Variants in KIRREL3 observed in about 807,000 individuals in gnomAD.
KIRREL3 encodes kirre like nephrin family adhesion molecule 3.
Under a neutral mutation model 89.7 loss-of-function variants are expected in KIRREL3, and 36 were observed. The observed-to-expected ratio is 0.40, with a 90% CI of 0.31 to 0.53. The LOEUF (loss-of-function observed/expected upper bound fraction) is 0.53, where lower values mean the gene tolerates loss of function less well. Ranked by LOEUF, KIRREL3 falls within the 20% of genes least tolerant of loss-of-function variation. The pLI is 0.49. For synonymous variants in KIRREL3, 445 were observed against 441.4 expected (o/e 1.01, Z -0.10); for missense variants, 864 against 1,056.6 (o/e 0.82, Z 2.53).
intron 1 of KIRREL3, among the ~76,000 whole-genome samples, chr11:126,681,595 G>A (rs1946455610): frequency 7.6e-6 from 1 of 131,478 alleles, no homozygotes; most frequent in Non-Finnish European, 1.6e-5. Flanking sequence ...TGTGCTCCTG[G>A]GAATGTATAT....
intron 1 of KIRREL3, among the ~76,000 whole-genome samples, chr11:126,598,893 G>A (rs539965557): frequency 9.2e-5 from 14 of 152,340 alleles, no homozygotes; most frequent in South Asian, 2.1e-4. Flanking sequence ...TTCCTAGAAT[G>A]TTCTCAACCC....
At position 126,689,412 on chromosome 11, in the gene KIRREL3, C is replaced by T. The variant is rs1364708909; in HGVS notation, c.56-126500G>A. 6.6e-6 allele frequency among the ~76,000 whole-genome samples: 1 copy of T among 152,212 alleles called. No homozygotes were observed. Among genetic ancestry groups the T allele is most frequent in the Non-Finnish European group, 1.5e-5 (1 of 68,044 alleles). On this transcript the variant is annotated intron_variant, in intron 1 of 16. Coordinates refer to ENST00000525144, the MANE Select transcript of KIRREL3 (RefSeq NM_032531.4). The surrounding 1 kb of genome is among the most constrained non-coding windows in gnomAD (Gnocchi z 5.2). ...TTGCATCTCATGATCTATCATTTAA[C>T]AGCCCTGTCCAAAGTGCTTGCTGGA...
rs531020760 is a variant in KIRREL3, at chr11:126,947,198, G to A, written c.55+53257C>T. Among the ~76,000 whole-genome samples, 51 of 152,254 alleles carry A rather than the reference G, an allele frequency of 3.3e-4. 1 individual carries two copies. The Middle Eastern group carries it at 0.014, about 41-fold the overall frequency. Reference sequence around the variant, plus strand: ...CAGTCCCCTTCACTATGAAATAGTCGTTTGTATTCTCCAGGCTTCACTAGT... The same window carrying A: ...CAGTCCCCTTCACTATGAAATAGTCATTTGTATTCTCCAGGCTTCACTAGT... On this transcript the variant is annotated intron_variant, in intron 1 of 16. Coordinates refer to ENST00000525144, the MANE Select transcript of KIRREL3 (RefSeq NM_032531.4).
At position 126,912,358 on chromosome 11, in the gene KIRREL3, C is replaced by A. The variant is rs529954533; in HGVS notation, c.55+88097G>T. ...CCCTCAGCTCCCTCTCCTGTCTTCA[C>A]CTCCCTGGGCCATGTCTCTCACCTT... On this transcript the variant is annotated intron_variant, in intron 1 of 16. Transcript: ENST00000525144. This position sits in a 1 kb window ranked among gnomAD's most constrained non-coding sequence, Gnocchi z 4.7. Among the ~76,000 whole-genome samples the A allele has an allele frequency of 6.6e-6, 1 of 152,276 alleles. No individual in the cohort carries two copies. Among genetic ancestry groups the A allele is most frequent in the East Asian group, 1.9e-4 (1 of 5,164 alleles).
intron 1 of KIRREL3, among the ~76,000 whole-genome samples, chr11:126,660,344 A>C (rs1397804858): frequency 6.6e-6 from 1 of 152,236 alleles, no homozygotes; most frequent in Admixed American, 6.5e-5. Flanking sequence ...TAATGCACAT[A>C]AGACACAGAC....
At chr11:126,613,974 G>A (rs554238886) in intron 1 of KIRREL3, among the ~76,000 whole-genome samples, 3 of 145,694 alleles carry the variant, frequency 2.1e-5, no homozygotes, top group Admixed American at 1.4e-4. Context: ...TGAATGCACA[G>A]GACCTTAATT....
chr11:126,923,238 T>C (rs1257328964), intron 1 of KIRREL3, among the ~76,000 whole-genome samples: 1 of 56,954 alleles, frequency 1.8e-5, no homozygotes, highest in Non-Finnish European at 3.7e-5. Flanking sequence ...CTTCTTCTTC[T>C]TCTTCTTCTT....
rs1353657704 is a variant in KIRREL3 at position 126,429,818 on chromosome 11, G to C, written c.1697-530C>G. Among the ~76,000 whole-genome samples, 1 of 152,240 alleles carries C rather than the reference G, an allele frequency of 6.6e-6. No homozygotes were observed. The highest frequency in any genetic ancestry group is 1.9e-4 in the East Asian group (1 of 5,194). ...TTACTGCTACTTCTGCAGGAGGCAG[G>C]CTGTTTCTAGTTGGAGAGCTCTGTT... is the stretch of plus-strand genomic sequence containing the variant. On this transcript the variant is annotated intron_variant, in intron 14 of 16. Transcript: ENST00000525144. This position sits in a 1 kb window ranked among gnomAD's most constrained non-coding sequence, Gnocchi z 5.2.
chr11:126,697,382 C>G lies in KIRREL3; in HGVS notation c.56-134470G>C, dbSNP rs73014576. On this transcript the variant is annotated intron_variant, in intron 1 of 16. Coordinates refer to ENST00000525144, the MANE Select transcript of KIRREL3 (RefSeq NM_032531.4). This position sits in a 1 kb window ranked among gnomAD's most constrained non-coding sequence, Gnocchi z 4.2. ...GACAAGCCACTCAACCCCTAGGAAC[C>G]TGTTTTCTTATCTAGAACATGAGGG... Among the ~76,000 whole-genome samples, 1 of 152,152 alleles carries G rather than the reference C, an allele frequency of 6.6e-6. No homozygotes were observed. Among genetic ancestry groups the G allele is most frequent in the Non-Finnish European group, 1.5e-5 (1 of 68,024 alleles).
chr11:126,742,989 G>C lies in KIRREL3; in HGVS notation c.56-180077C>G, dbSNP rs1461808793. ...CTGCCCAGGGGCTGTCCCCTGCTCA[G>C]CTTATCTGAGATGAGGCCATCAGTG... On this transcript the variant is annotated intron_variant, in intron 1 of 16. Coordinates refer to ENST00000525144, the MANE Select transcript of KIRREL3 (RefSeq NM_032531.4). This position sits in a 1 kb window ranked among gnomAD's most constrained non-coding sequence, Gnocchi z 5.3. 6.6e-6 allele frequency among the ~76,000 whole-genome samples: 1 copy of C among 152,230 alleles called. No individual in the cohort carries two copies. The highest frequency in any genetic ancestry group is 1.5e-5 in the Non-Finnish European group (1 of 68,040).
intron 7 of KIRREL3, among the ~76,000 whole-genome samples, chr11:126,451,784 C>T (rs762866487): frequency 6.7e-6 from 1 of 148,568 alleles, no homozygotes; most frequent in Non-Finnish European, 1.5e-5. Flanking sequence ...TTCTCCGTTT[C>T]CCCTGGTTTA....
At chr11:126,665,302 G>A (rs937641997) in intron 1 of KIRREL3, among the ~76,000 whole-genome samples, 6 of 152,202 alleles carry the variant, frequency 3.9e-5, no homozygotes, top group African/African-American at 1.4e-4. Flanking sequence ...TGCCAGCTCT[G>A]AGGGGAAAAA....
chr11:126,869,705 C>A (rs1248822753), intron 1 of KIRREL3, among the ~76,000 whole-genome samples: 3 of 152,074 alleles, frequency 2.0e-5, no homozygotes, highest in Non-Finnish European at 4.4e-5. Flanking sequence ...CTGACCTCAC[C>A]CCACTCCCAA....
Position 126,991,985 on chromosome 11 carries a change from T to C in KIRREL3, c.55+8470A>G, listed in dbSNP as rs1399261515. On this transcript the variant is annotated intron_variant, in intron 1 of 16. Coordinates refer to ENST00000525144, the MANE Select transcript of KIRREL3 (RefSeq NM_032531.4). The surrounding 1 kb of genome is among the most constrained non-coding windows in gnomAD (Gnocchi z 5.8). ...AATAATGCCCACTTCTCATTACTTCTGCTGATGAAATGAGGTAGTGCTTGT... is the reference window on the plus strand; with the variant it reads ...AATAATGCCCACTTCTCATTACTTCCGCTGATGAAATGAGGTAGTGCTTGT... 6.6e-6 allele frequency among the ~76,000 whole-genome samples: 1 copy of C among 152,350 alleles called. No individual in the cohort carries two copies. The highest frequency in any genetic ancestry group is 2.1e-4 in the South Asian group (1 of 4,822).
intron 1 of KIRREL3, among the ~76,000 whole-genome samples, chr11:126,833,505 T>G (rs1339404514): frequency 6.6e-6 from 1 of 152,230 alleles, no homozygotes; most frequent in Non-Finnish European, 1.5e-5. Flanking sequence ...GGCTCCCACT[T>G]AACTGGCACC....
chr11:126,752,306 C>G lies in KIRREL3; in HGVS notation c.56-189394G>C, dbSNP rs1218453882. On this transcript the variant is annotated intron_variant, in intron 1 of 16. Transcript: ENST00000525144. This position sits in a 1 kb window ranked among gnomAD's most constrained non-coding sequence, Gnocchi z 4.8. The stretch of plus-strand genomic sequence containing the variant: ...GAAACTATCATTAGGAACTTCCTCA[C>G]TTTTGGATTTTGCAGATTCCTTTCC... Among the ~76,000 whole-genome samples, 1 of 152,054 alleles carries G rather than the reference C, an allele frequency of 6.6e-6. No individual in the cohort carries two copies. Among genetic ancestry groups the G allele is most frequent in the African/African-American group, 2.4e-5 (1 of 41,394 alleles).
rs1007460093 is a variant in KIRREL3 at position 126,940,116 on chromosome 11, A to C, written c.55+60339T>G. Among the ~76,000 whole-genome samples, 5 of 152,174 alleles carry C rather than the reference A, an allele frequency of 3.3e-5. No individual in the cohort carries two copies. Among genetic ancestry groups the C allele is most frequent in the African/African-American group, 1.2e-4 (5 of 41,422 alleles). On this transcript the variant is annotated intron_variant, in intron 1 of 16. Transcript: ENST00000525144. This position sits in a 1 kb window ranked among gnomAD's most constrained non-coding sequence, Gnocchi z 4.6. ...CAGATCATCAAATGCCCACTCCCCC[A>C]AGAAAAGAAGCAGTTTGGACCACAG... is the stretch of plus-strand genomic sequence containing the variant.
At chr11:126,777,544 C>T (rs1009277094) in intron 1 of KIRREL3, among the ~76,000 whole-genome samples, 2 of 152,202 alleles carry the variant, frequency 1.3e-5, no homozygotes, top group Non-Finnish European at 2.9e-5. Flanking sequence ...CAGCACAGGG[C>T]TCTTTCCATC....
intron 1 of KIRREL3, among the ~76,000 whole-genome samples, chr11:126,834,273 T>G (rs1051786939): frequency 6.6e-6 from 1 of 152,164 alleles, no homozygotes; most frequent in African/African-American, 2.4e-5. Flanking sequence ...AGAATTTGGG[T>G]GGGCCTTTGA....
Sources: allele counts gnomAD v4.1 joint callset (sites outside exome capture counted in the v4.1 genomes callset), GRCh38; gene constraint gnomAD v4.1.1; non-coding constraint Gnocchi (gnomAD v3.1); transcripts MANE v1.5; gene names NCBI Gene and HGNC (gene_info 2026-07-23, HGNC 2026-07-21).